Variants in ZNF85 observed in about 807,000 individuals in gnomAD.
ZNF85 encodes zinc finger protein 85 (HPF4, HTF1).
Under a neutral mutation model 53.9 loss-of-function variants are expected in ZNF85, and 50 were observed. The ratio of observed to expected loss-of-function variants is 0.93; its 90% CI spans 0.74 to 1.17. The LOEUF is 1.17. Ranked by LOEUF, ZNF85 falls within the 50% of genes most tolerant of loss-of-function variation. The pLI, the probability that ZNF85 is intolerant of heterozygous loss-of-function variation, is 0.00. For missense variants in ZNF85, 747 were observed against 688.5 expected (o/e 1.08, Z -0.95); for synonymous variants, 225 against 226.1 (o/e 1.00, Z 0.04).
chr19:20,944,477 AATT>A (rs58149655), intron 3 of ZNF85, among the ~76,000 whole-genome samples: 16,625 of 147,902 alleles, frequency 0.11, 958 homozygotes, highest in Middle Eastern at 0.14. Context: ...TTAGTAGTAT[AATT>A]ATTATATATT....
intron 1 of ZNF85, among the ~76,000 whole-genome samples, chr19:20,924,168 C>T (rs1972827901): frequency 6.6e-6 from 1 of 151,634 alleles, no homozygotes; most frequent in Non-Finnish European, 1.5e-5. Context: ...GTAGAGCACT[C>T]AGCTATGGTT....
chr19:20,941,414 C>T (rs981672154), intron 3 of ZNF85, among the ~76,000 whole-genome samples: 2 of 152,084 alleles, frequency 1.3e-5, no homozygotes, highest in African/African-American at 4.8e-5. Context: ...AGGCACATGC[C>T]GTCACACCCG....
At position 20,943,158 on chromosome 19, in the gene ZNF85, C is replaced by T. The variant is rs112024243; in HGVS notation, c.230-5586C>T. ...AATAAGAATGTTGTGTATTCTCTTG[C>T]TTTTGACTGAAAAGTTTTGTACATG... On this transcript the variant is annotated intron_variant, in intron 3 of 3. Coordinates refer to ENST00000328178, the MANE Select transcript of ZNF85 (RefSeq NM_003429.5). 2.4e-3 allele frequency: 730 copies of T among 307,250 alleles called. 4 individuals are homozygous for T. The highest frequency in any genetic ancestry group is 0.014 in the African/African-American group (666 of 46,846). 19.0% of individuals were successfully genotyped at this position (307,250 alleles called of 1,614,324 possible).
intron 3 of ZNF85, chr19:20,943,213 G>A (rs1267913171): frequency 4.7e-6 from 1 of 210,644 alleles, no homozygotes; most frequent in Non-Finnish European, 9.4e-6. Flanking sequence ...CTGTGATGTG[G>A]TTTAGATGTT....
intron 1 of ZNF85, among the ~76,000 whole-genome samples, chr19:20,930,892 C>T (rs1390491250): frequency 1.3e-5 from 2 of 152,214 alleles, no homozygotes; most frequent in African/African-American, 4.8e-5. Context: ...CCTGCCTCAG[C>T]CTCCCTAGTA....
At chr19:20,947,746 CATT>C (rs983621597) in intron 3 of ZNF85, among the ~76,000 whole-genome samples, 2 of 151,240 alleles carry the variant, frequency 1.3e-5, no homozygotes, top group African/African-American at 4.8e-5. Flanking sequence ...ATTTTTACAT[CATT>C]TTTTCTTATA....
chr19:20,934,231 A>ACATT, intron 2 of ZNF85, 81 bp downstream of exon 2: 1 of 1,539,826 alleles, frequency 6.5e-7, no homozygotes, highest in Non-Finnish European at 8.8e-7. Flanking sequence ...TTTCTGGTAA[A>ACATT]GTGTGCTTTG....
At chr19:20,940,106 A>G (rs1340438616) in intron 3 of ZNF85, among the ~76,000 whole-genome samples, 1 of 151,812 alleles carries the variant, frequency 6.6e-6, no homozygotes, top group Non-Finnish European at 1.5e-5. Flanking sequence ...TTTATGTGAA[A>G]AAAAAAAAAA....
intron 3 of ZNF85, among the ~76,000 whole-genome samples, chr19:20,940,506 T>C (rs766467878): frequency 1.8e-4 from 27 of 151,808 alleles, no homozygotes; most frequent in Non-Finnish European, 3.8e-4. Context: ...CACTGCACTC[T>C]AGTTTAGGTG....
At chr19:20,936,655 G>GA (rs111285012) in intron 3 of ZNF85, 1,886 of 158,140 alleles carry the variant, frequency 0.012, 44 homozygotes, top group African/African-American at 0.035. Context: ...GCAACTTGTG[G>GA]ATGCTGAGAA....
chr19:20,949,507 A>G lies in ZNF85; in HGVS notation c.993A>G (p.Thr331=), dbSNP rs1663289397. ...TTAAGCAGTCCTCAAACCTTACTACACATAAGATAATTCATACTGGAGAGA... is the reference window on the plus strand; with the variant it reads ...TTAAGCAGTCCTCAAACCTTACTACGCATAAGATAATTCATACTGGAGAGA... ...KAFKQSSNLT[T]HKIIHTGEKP... The change falls in exon 4 of 4, where the codon ACA becomes ACG. Residue 331 remains threonine, a synonymous_variant. Transcript: ENST00000328178. 2.5e-6 allele frequency: 4 copies of G among 1,613,054 alleles called. No homozygotes were observed. In the Admixed American group the frequency reaches 5.0e-5, roughly 20 times the overall value.
intron 3 of ZNF85, chr19:20,937,478 G>T: frequency 2.6e-6 from 1 of 378,552 alleles, no homozygotes; most frequent in Non-Finnish European, 5.2e-6. Context: ...GCCTTTAGTT[G>T]GTTTGTTATA....
chr19:20,946,444 T>A lies in ZNF85; in HGVS notation c.230-2300T>A, dbSNP rs181176088. On this transcript the variant is annotated intron_variant, in intron 3 of 3. Coordinates refer to ENST00000328178, the MANE Select transcript of ZNF85 (RefSeq NM_003429.5). ...CTGTTGCCTTCTAATATTCTTTTTT[T>A]TTATTATTATAGAAAGTAGGTATTG... is the stretch of plus-strand genomic sequence containing the variant. The A allele has an allele frequency of 1.4e-4, 45 of 333,330 alleles. 1 individual carries two copies. The East Asian group carries it at 1.7e-3, about 12-fold the overall frequency. The allele number at this position is 333,330 out of a possible 1,614,324, so 20.6% of individuals were successfully genotyped here. A position where few individuals can be genotyped will look rare whatever the true frequency, so the allele number is the denominator to read the frequency against.
chr19:20,945,399 G>C (rs1412370217), intron 3 of ZNF85: 2 of 151,948 alleles, frequency 1.3e-5, no homozygotes, highest in Non-Finnish European at 2.9e-5. Context: ...CATTTTATTT[G>C]GCATAATGTC....
Position 20,949,722 on chromosome 19 carries a change from G to A in ZNF85, c.1208G>A (p.Cys403Tyr), listed in dbSNP as rs1322723621. 3.1e-6 allele frequency: 5 copies of A among 1,612,854 alleles called. No individual in the cohort carries two copies. The highest frequency in any genetic ancestry group is 2.7e-5 in the African/African-American group (2 of 74,856). Residue 403 changes from cysteine to tyrosine, a missense_variant, in exon 4 of 4, where the codon TGT becomes TAT. Coordinates refer to ENST00000328178, the MANE Select transcript of ZNF85 (RefSeq NM_003429.5). ...GAGAAACCTTACAAATGTAAAGAATGTGGTAAAGCTTTTAAACACTCTTCA... is the reference window on the plus strand; with the variant it reads ...GAGAAACCTTACAAATGTAAAGAATATGGTAAAGCTTTTAAACACTCTTCA... The part of the protein sequence containing the change: ...TGEKPYKCKE[C>Y]GKAFKHSSTL...
Position 20,950,100 on chromosome 19 carries a change from A to G in ZNF85, c.1586A>G (p.Lys529Arg), listed in dbSNP as rs1320040474. ...FNQSSKLTKH[K>R]KIHTGEKPYT... ...CAATCCTCAAAACTTACCAAACATAAGAAAATTCATACTGGAGAGAAACCC... is the reference window on the plus strand; with the variant it reads ...CAATCCTCAAAACTTACCAAACATAGGAAAATTCATACTGGAGAGAAACCC... The change falls in exon 4 of 4, where the codon AAG becomes AGG. Residue 529 changes from lysine (K) to arginine (R), a missense_variant. Coordinates refer to ENST00000328178, the MANE Select transcript of ZNF85 (RefSeq NM_003429.5). 2 of 1,613,324 alleles carry G rather than the reference A, an allele frequency of 1.2e-6. No homozygotes were observed. Among genetic ancestry groups the G allele is most frequent in the African/African-American group, 2.7e-5 (2 of 74,876 alleles).
At chr19:20,939,751 G>A (rs1973248574) in intron 3 of ZNF85, among the ~76,000 whole-genome samples, 1 of 152,058 alleles carries the variant, frequency 6.6e-6, no homozygotes, top group Non-Finnish European at 1.5e-5. Flanking sequence ...AGTCTGGAGT[G>A]CAATGGCACA....
chr19:20,944,887 G>A (rs921688260), intron 3 of ZNF85, among the ~76,000 whole-genome samples: 3 of 152,096 alleles, frequency 2.0e-5, no homozygotes, highest in Admixed American at 2.0e-4. Flanking sequence ...TATGTCTATT[G>A]CTAATGTGTT....
chr19:20,923,428 C>G (rs762184909), intron 1 of ZNF85, 25 bp downstream of exon 1: 10 of 1,613,900 alleles, frequency 6.2e-6, no homozygotes, highest in South Asian at 1.1e-5. Flanking sequence ...TCCGCCATCC[C>G]GAGGGGGAAA....
Sources: allele counts gnomAD v4.1 joint callset (sites outside exome capture counted in the v4.1 genomes callset), GRCh38; gene constraint gnomAD v4.1.1; transcripts MANE v1.5; gene names NCBI Gene and HGNC (gene_info 2026-07-23, HGNC 2026-07-21).